The following COBL variants were observed in gnomAD, a reference collection of about 807,000 sequenced individuals.
The protein encoded by COBL is protein cordon-bleu.
COBL carries 51 observed loss-of-function variants against 98.8 expected under a neutral mutation model. The ratio of observed to expected loss-of-function variants is 0.52; its 90% confidence interval spans 0.41 to 0.65. The LOEUF (loss-of-function observed/expected upper bound fraction) is 0.65, where lower values mean the gene tolerates loss of function less well. Ranked by LOEUF, COBL falls within the 30% of genes least tolerant of loss-of-function variation. COBL has a pLI of 0.00. For missense variants in COBL, 1,617 were observed against 1,617.5 expected (o/e 1.00, Z 0.01); for synonymous variants, 634 against 651.7 (o/e 0.97, Z 0.41).
At chr7:51,217,198 TAAA>T (rs2129084539) in intron 2 of COBL, among the ~76,000 whole-genome samples, 1 of 152,322 alleles carries the variant, frequency 6.6e-6, no homozygotes, top group African/African-American at 2.4e-5. Flanking sequence ...ATAAGGGAAA[TAAA>T]AGAAATGAAA....
At chr7:51,083,058 G>A (rs540915260) in intron 7 of COBL, 45 of 1,530,576 alleles carry the variant, frequency 2.9e-5, no homozygotes, top group South Asian at 4.8e-5. Context: ...AGGAACATAC[G>A]TTTGGGTATC....
At chr7:51,078,833 C>T (rs1343416931) in intron 7 of COBL, among the ~76,000 whole-genome samples, 1 of 152,134 alleles carries the variant, frequency 6.6e-6, no homozygotes, top group Non-Finnish European at 1.5e-5. Flanking sequence ...GGACAAAGGG[C>T]CTCAGCGCCT....
intron 4 of COBL, chr7:51,188,046 G>T: frequency 9.5e-7 from 1 of 1,054,462 alleles, no homozygotes; most frequent in Non-Finnish European, 1.2e-6. Flanking sequence ...ACAAGCCTCA[G>T]AGGGGGGCTG....
chr7:51,073,324 C>G (rs1459244243), intron 7 of COBL: 2 of 693,658 alleles, frequency 2.9e-6, no homozygotes, highest in East Asian at 2.7e-5. Flanking sequence ...GGTCCGAGGT[C>G]AGGAAGAGGC....
chr7:51,279,840 T>A (rs1045111073), intron 1 of COBL, among the ~76,000 whole-genome samples: 1 of 152,234 alleles, frequency 6.6e-6, no homozygotes, highest in Admixed American at 6.5e-5. Context: ...TTTTCCAGAA[T>A]GTCACAGAGT....
chr7:51,201,694 G>T (rs370121427), intron 2 of COBL, among the ~76,000 whole-genome samples: 1 of 152,044 alleles, frequency 6.6e-6, no homozygotes, highest in Admixed American at 6.6e-5. Flanking sequence ...ATTCTTCAGG[G>T]TATATAACAA....
chr7:51,067,850 G>A (rs1257420443), intron 7 of COBL, among the ~76,000 whole-genome samples: 1 of 152,212 alleles, frequency 6.6e-6, no homozygotes, highest in Non-Finnish European at 1.5e-5. Flanking sequence ...GGGATAATCA[G>A]GGTTCCCCCT....
intron 1 of COBL, among the ~76,000 whole-genome samples, chr7:51,283,992 A>G (rs1256474902): frequency 2.0e-5 from 3 of 151,988 alleles, no homozygotes; most frequent in African/African-American, 7.2e-5. Context: ...CTAGCAATAT[A>G]TAAAAAGAAT....
intron 6 of COBL, among the ~76,000 whole-genome samples, chr7:51,125,672 A>G (rs1798130218): frequency 6.6e-6 from 1 of 152,196 alleles, no homozygotes; most frequent in South Asian, 2.1e-4. Flanking sequence ...GAAGGATTAA[A>G]TAAGATACTA....
chr7:51,160,291 A>G (rs1786660050), intron 5 of COBL, among the ~76,000 whole-genome samples: 1 of 152,206 alleles, frequency 6.6e-6, no homozygotes, highest in African/African-American at 2.4e-5. Flanking sequence ...TAGGAGTTTT[A>G]TATACACAAG....
intron 1 of COBL, among the ~76,000 whole-genome samples, chr7:51,232,747 G>A (rs1156848908): frequency 1.3e-5 from 2 of 152,040 alleles, no homozygotes; most frequent in Non-Finnish European, 2.9e-5. Context: ...GGAGACGGAG[G>A]TTGCAGTGAG....
At chr7:51,017,774 G>A (rs1261969128) in intron 12 of COBL, among the ~76,000 whole-genome samples, 1 of 152,168 alleles carries the variant, frequency 6.6e-6, no homozygotes, top group Non-Finnish European at 1.5e-5. Context: ...CGTAAAAGCT[G>A]CCAGGGAAGG....
chr7:51,285,527 C>T (rs571972835), intron 1 of COBL, among the ~76,000 whole-genome samples: 1 of 152,104 alleles, frequency 6.6e-6, no homozygotes, highest in Non-Finnish European at 1.5e-5. Context: ...CATTTACAAA[C>T]ATCTACCAAA....
At chr7:51,311,451 G>C (rs77165683) in intron 1 of COBL, among the ~76,000 whole-genome samples, 5,012 of 152,326 alleles carry the variant, frequency 0.033, 137 homozygotes, top group Middle Eastern at 0.065. Context: ...GCAAACTCTA[G>C]TCTAGAATAA....
chr7:51,217,340 CTTTTTTT>C (rs937958755), intron 2 of COBL, among the ~76,000 whole-genome samples: 4 of 127,730 alleles, frequency 3.1e-5, no homozygotes, highest in African/African-American at 1.2e-4. Context: ...TTTTCTTTTT[CTTTTTTT>C]TTTTTTTTTT....
chr7:51,296,803 T>C (rs1238626809), intron 1 of COBL, among the ~76,000 whole-genome samples: 1 of 152,202 alleles, frequency 6.6e-6, no homozygotes, highest in Non-Finnish European at 1.5e-5. Flanking sequence ...GTGAAGTGCG[T>C]TACAAACACA....
At chr7:51,256,291 G>T (rs1191324026) in intron 1 of COBL, among the ~76,000 whole-genome samples, 1 of 152,156 alleles carries the variant, frequency 6.6e-6, no homozygotes, top group Non-Finnish European at 1.5e-5. Context: ...TAAAGGGCTG[G>T]AGCCGAGGCA....
chr7:51,224,707 CG>C (rs1410875679), intron 1 of COBL, among the ~76,000 whole-genome samples: 1 of 150,946 alleles, frequency 6.6e-6, no homozygotes, highest in East Asian at 1.9e-4. Context: ...TTGAGATGGA[CG>C]GCAATGGCGC....
At chr7:51,090,696 A>G (rs1390311202) in intron 6 of COBL, among the ~76,000 whole-genome samples, 2 of 152,258 alleles carry the variant, frequency 1.3e-5, no homozygotes, top group Admixed American at 6.5e-5. Context: ...CACCCAGCTC[A>G]CTGCTTATCC....
Sources: allele counts gnomAD v4.1 joint callset (sites outside exome capture counted in the v4.1 genomes callset), GRCh38; gene constraint gnomAD v4.1.1; transcripts MANE v1.5; gene names NCBI Gene and HGNC (gene_info 2026-07-23, HGNC 2026-07-21).